The following RARB variants were observed in gnomAD, a reference collection of about 807,000 sequenced individuals.
The protein encoded by RARB is HBV-activated protein.
Under a neutral mutation model 51.9 loss-of-function variants are expected in RARB, and 17 were observed. The observed-to-expected ratio is 0.33, with a 90% CI of 0.22 to 0.49. The LOEUF is 0.49. Among genes scored for constraint, RARB ranks in the 20% least tolerant of loss-of-function variants. The pLI, the probability that RARB is intolerant of heterozygous loss-of-function variation, is 0.99. For synonymous variants in RARB, 215 were observed against 195.4 expected (o/e 1.10, Z -0.84); for missense variants, 369 against 550.8 (o/e 0.67, Z 3.30).
chr3:25,418,242 G>A (rs921148109), intron 5 of RARB, among the ~76,000 whole-genome samples: 2 of 152,112 alleles, frequency 1.3e-5, no homozygotes, highest in Non-Finnish European at 2.9e-5. Context: ...AAGGGTCCTG[G>A]AATTAAGTTT....
intron 5 of RARB, among the ~76,000 whole-genome samples, chr3:25,421,729 G>C (rs1428785231): frequency 1.3e-5 from 2 of 152,038 alleles, no homozygotes; most frequent in African/African-American, 4.8e-5. Context: ...CTAAGTACTT[G>C]TATTACCTCA....
intron 3 of RARB, among the ~76,000 whole-genome samples, chr3:25,106,870 T>G (rs1459421458): frequency 6.7e-6 from 1 of 149,672 alleles, no homozygotes; most frequent in Non-Finnish European, 1.5e-5. Flanking sequence ...AGATTCCATT[T>G]TTTTCTAAAA....
chr3:25,202,353 C>G (rs116456374), intron 5 of RARB, among the ~76,000 whole-genome samples: 3,293 of 152,002 alleles, frequency 0.022, 64 homozygotes, highest in South Asian at 0.084. Flanking sequence ...TCTTAGTGGT[C>G]TATCCATTTT....
At chr3:25,059,661 A>G (rs1210071626) in intron 2 of RARB, among the ~76,000 whole-genome samples, 1 of 151,820 alleles carries the variant, frequency 6.6e-6, no homozygotes, top group Non-Finnish European at 1.5e-5. Flanking sequence ...TTGTGGAGAC[A>G]AAGTTCAAGG....
Position 25,129,712 on chromosome 3 carries a change from A to G in RARB, c.-327-2449A>G, listed in dbSNP as rs566663095. Among the ~76,000 whole-genome samples, 6 of 152,234 alleles carry G rather than the reference A, an allele frequency of 3.9e-5. No individual in the cohort carries two copies. In the East Asian group the frequency reaches 1.2e-3, roughly 29 times the overall value. On this transcript the variant is annotated intron_variant, in intron 3 of 11. Transcript: ENST00000383772. ...AAATTTCTAAAATACTATGAATTTTAGAAAAATTCATGAAAAGTTTAAAAA... is the reference window on the plus strand; with the variant it reads ...AAATTTCTAAAATACTATGAATTTTGGAAAAATTCATGAAAAGTTTAAAAA...
chr3:24,890,382 T>C (rs9883880), intron 2 of RARB, among the ~76,000 whole-genome samples: 111,712 of 152,124 alleles, frequency 0.73, 42,070 homozygotes, highest in African/African-American at 0.88. Flanking sequence ...AATTGAAGAA[T>C]CACATTCACA....
intron 5 of RARB, among the ~76,000 whole-genome samples, chr3:25,208,144 C>T (rs1701601002): frequency 6.6e-6 from 1 of 152,074 alleles, no homozygotes. Context: ...GAAATCTGCC[C>T]ACATGATCCA....
intron 2 of RARB, among the ~76,000 whole-genome samples, chr3:24,996,586 T>C (rs1697045403): frequency 2.6e-5 from 4 of 152,164 alleles, no homozygotes; most frequent in Admixed American, 2.6e-4. Flanking sequence ...TGTAGGCATT[T>C]ATTGCTATAA....
intron 2 of RARB, among the ~76,000 whole-genome samples, chr3:24,986,823 C>T (rs1042998485): frequency 1.3e-5 from 2 of 152,154 alleles, no homozygotes; most frequent in East Asian, 1.9e-4. Flanking sequence ...GATTGCTGTG[C>T]GGTGAACTCC....
chr3:25,130,550 G>A (rs772209563), intron 3 of RARB, among the ~76,000 whole-genome samples: 10 of 151,522 alleles, frequency 6.6e-5, no homozygotes, highest in East Asian at 3.9e-4. Context: ...CCTTCCTGGC[G>A]CACTGCATTT....
chr3:25,513,807 G>C (rs551626026), intron 3 of RARB, among the ~76,000 whole-genome samples: 1 of 152,056 alleles, frequency 6.6e-6, no homozygotes, highest in South Asian at 2.1e-4. Flanking sequence ...TTTCAGAAAG[G>C]GGGAGAGGAA....
chr3:24,886,611 A>T (rs1451158490), intron 2 of RARB, among the ~76,000 whole-genome samples: 1 of 151,882 alleles, frequency 6.6e-6, no homozygotes, highest in Non-Finnish European at 1.5e-5. Flanking sequence ...CGCCTGGCTA[A>T]TTTTAATTTT....
At chr3:24,936,701 T>C (rs566667060) in intron 2 of RARB, among the ~76,000 whole-genome samples, 3 of 152,234 alleles carry the variant, frequency 2.0e-5, no homozygotes, top group Non-Finnish European at 4.4e-5. Flanking sequence ...GGCAGAAAAT[T>C]ATGATTTTTG....
chr3:25,172,770 A>T (rs1700669170), intron 4 of RARB, among the ~76,000 whole-genome samples: 1 of 151,990 alleles, frequency 6.6e-6, no homozygotes, highest in South Asian at 2.1e-4. Context: ...GTTAATAGAA[A>T]CTCTTACCAA....
chr3:25,576,736 C>T (rs972385081), intron 4 of RARB, among the ~76,000 whole-genome samples: 4 of 152,194 alleles, frequency 2.6e-5, no homozygotes, highest in African/African-American at 9.7e-5. Flanking sequence ...TCTCTAGCCA[C>T]AGGCTGCACC....
At chr3:24,940,628 A>G (rs1350342341) in intron 2 of RARB, among the ~76,000 whole-genome samples, 1 of 152,080 alleles carries the variant, frequency 6.6e-6, no homozygotes, top group African/African-American at 2.4e-5. Context: ...AGCTGGACCA[A>G]ATTGAGTTCC....
At chr3:25,311,495 C>T (rs1289408611) in intron 5 of RARB, among the ~76,000 whole-genome samples, 1 of 152,208 alleles carries the variant, frequency 6.6e-6, no homozygotes, top group Non-Finnish European at 1.5e-5. Flanking sequence ...CACATATTCT[C>T]TGTTTATAGT....
At chr3:24,962,096 A>AT (rs1696154384) in intron 2 of RARB, among the ~76,000 whole-genome samples, 1 of 151,372 alleles carries the variant, frequency 6.6e-6, no homozygotes, top group South Asian at 2.1e-4. Context: ...CACCTGGCTG[A>AT]TTTTTTCTAT....
chr3:25,281,905 C>A (rs1170655517), intron 5 of RARB, among the ~76,000 whole-genome samples: 2 of 152,196 alleles, frequency 1.3e-5, no homozygotes, highest in East Asian at 3.8e-4. Context: ...AATAGCTGTG[C>A]TCATGTTGTG....
Sources: gnomAD v4.1 joint callset for allele counts (sites outside exome capture counted in the v4.1 genomes callset) on GRCh38, gnomAD v4.1.1 for gene constraint, MANE v1.5 for transcripts, NCBI Gene and HGNC (gene_info 2026-07-23, HGNC 2026-07-21) for gene names.